BCL2L13: variants seen among roughly 807,000 people sequenced by gnomAD.
The protein encoded by BCL2L13 is bcl-2-like protein 13.
Under a neutral mutation model 25.8 loss-of-function variants are expected in BCL2L13, and 13 were observed. The observed-to-expected ratio is 0.50, with a 90% CI of 0.33 to 0.80. The LOEUF is 0.80. BCL2L13 is among the 30% of genes least tolerant of loss of function. The pLI is 0.02. For synonymous variants in BCL2L13, 244 were observed against 230.3 expected, an observed-to-expected ratio of 1.06 and a Z score of -0.54; for missense variants, 504 against 574.9, an observed-to-expected ratio of 0.88 and a Z score of 1.26.
Position 17,727,219 on chromosome 22 carries a change from TGAA to T in BCL2L13, c.1149_1151del (p.Glu384del), listed in dbSNP as rs1241994638. Reference sequence around the variant, plus strand: ...CTACATCTCTGTTTGTAGAACTTGATGAAGAAGAGGTGAAAGCAGCAACAACTG... The same window carrying T: ...CTACATCTCTGTTTGTAGAACTTGATGAAGAGGTGAAAGCAGCAACAACTG... On this transcript the variant is annotated inframe_deletion, in exon 7 of 7. Coordinates refer to ENST00000317582, the MANE Select transcript of BCL2L13 (RefSeq NM_015367.4). 1 of 1,614,100 alleles carries T rather than the reference TGAA, an allele frequency of 6.2e-7. No homozygotes were observed. Among genetic ancestry groups the T allele is most frequent in the Non-Finnish European group, 8.5e-7 (1 of 1,180,044 alleles).
chr22:17,708,653 G>A (rs1023410465), intron 6 of BCL2L13, among the ~76,000 whole-genome samples: 2 of 152,062 alleles, frequency 1.3e-5, no homozygotes, highest in African/African-American at 2.4e-5. Context: ...CAAAAAAGAC[G>A]CAGTTCTCTG....
chr22:17,721,062 G>A (rs968335019), intron 6 of BCL2L13, among the ~76,000 whole-genome samples: 1 of 151,348 alleles, frequency 6.6e-6, no homozygotes, highest in South Asian at 2.1e-4. Flanking sequence ...AGCTACTCGG[G>A]GGGAGGCTGA....
At chr22:17,710,041 G>A (rs1193282976) in intron 6 of BCL2L13, among the ~76,000 whole-genome samples, 1 of 125,998 alleles carries the variant, frequency 7.9e-6, no homozygotes, top group Admixed American at 9.9e-5. Context: ...CTGACCTCCA[G>A]CCTGGGTAAC....
intron 3 of BCL2L13, among the ~76,000 whole-genome samples, chr22:17,688,195 C>A (rs1014126413): frequency 3.3e-5 from 5 of 151,910 alleles, no homozygotes; most frequent in African/African-American, 1.2e-4. Context: ...GGACTCAAAC[C>A]ATCTGCACAC....
At chr22:17,718,369 AT>A (rs2061005664) in intron 6 of BCL2L13, among the ~76,000 whole-genome samples, 1 of 152,206 alleles carries the variant, frequency 6.6e-6, no homozygotes, top group African/African-American at 2.4e-5. Context: ...GACAGAAGTG[AT>A]GTAGAGTTAG....
intron 1 of BCL2L13, among the ~76,000 whole-genome samples, chr22:17,648,360 T>G (rs953373760): frequency 4.4e-4 from 67 of 152,128 alleles, no homozygotes; most frequent in African/African-American, 1.6e-3. Context: ...ACCATAGTCC[T>G]GAAGGAGCTG....
At chr22:17,684,042 G>T (rs766677946) in intron 3 of BCL2L13, among the ~76,000 whole-genome samples, 20 of 152,072 alleles carry the variant, frequency 1.3e-4, no homozygotes, top group Admixed American at 4.6e-4. Flanking sequence ...CGACTACACA[G>T]CATTTGCATT....
chr22:17,719,846 A>AAAAAAAAAC lies in BCL2L13; in HGVS notation c.601-6827_601-6826insAAAACAAAA, dbSNP rs1555897108. On this transcript the variant is annotated intron_variant, in intron 6 of 6. Transcript: ENST00000317582. ...CCATCTCAAAAAAAAAAAAAAAAAA[A>AAAAAAAAAC]AAAAGAATGAAGTATGGATACATGC... 8.5e-5 allele frequency among the ~76,000 whole-genome samples: 11 copies of AAAAAAAAAC among 129,152 alleles called. 1 individual carries two copies. Among genetic ancestry groups the AAAAAAAAAC allele is most frequent in the East Asian group, 2.5e-4 (1 of 4,030 alleles). The allele number at this position is 129,152 out of a possible 152,430, so 84.7% of individuals were successfully genotyped here.
chr22:17,721,362 T>G (rs2061123652), intron 6 of BCL2L13, among the ~76,000 whole-genome samples: 1 of 152,104 alleles, frequency 6.6e-6, no homozygotes. Context: ...TTTTAGTTTT[T>G]AAATTTTTGT....
intron 6 of BCL2L13, among the ~76,000 whole-genome samples, chr22:17,705,855 C>T (rs917583997): frequency 4.6e-5 from 7 of 152,154 alleles, no homozygotes; most frequent in Non-Finnish European, 8.8e-5. Context: ...TCTCAAGGTG[C>T]AGCTACTTTT....
At chr22:17,671,319 G>A (rs993112025) in intron 2 of BCL2L13, among the ~76,000 whole-genome samples, 4 of 149,176 alleles carry the variant, frequency 2.7e-5, no homozygotes, top group Admixed American at 1.4e-4. Flanking sequence ...GCGTGTACCC[G>A]GGAGACAGAG....
At chr22:17,636,730 G>A (rs1261283650), upstream of BCL2L13, among the ~76,000 whole-genome samples, 1 of 152,002 alleles carries the variant, frequency 6.6e-6, no homozygotes, top group Non-Finnish European at 1.5e-5. Context: ...CAGGAGGTGA[G>A]GTTCAGTGAG....
intron 1 of BCL2L13, among the ~76,000 whole-genome samples, chr22:17,644,411 A>G (rs1034364345): frequency 2.0e-5 from 3 of 150,312 alleles, no homozygotes; most frequent in South Asian, 2.1e-4. Flanking sequence ...GCTCACTGCA[A>G]TCTTTGCCTC....
intron 1 of BCL2L13, among the ~76,000 whole-genome samples, chr22:17,646,953 ATATTTTTTT>A (rs1303073748): frequency 7.9e-3 from 170 of 21,608 alleles, no homozygotes; most frequent in African/African-American, 0.023. Context: ...ATATATATAT[ATATTTTTTT>A]TTTTTTTTTT....
intron 1 of BCL2L13, among the ~76,000 whole-genome samples, chr22:17,655,287 G>A (rs1262424663): frequency 6.7e-6 from 1 of 148,604 alleles, no homozygotes; most frequent in African/African-American, 2.5e-5. Flanking sequence ...CTGCCCTGAG[G>A]CTTTACAGTT....
chr22:17,711,014 A>C (rs113818683), intron 6 of BCL2L13, among the ~76,000 whole-genome samples: 12 of 152,290 alleles, frequency 7.9e-5, no homozygotes, highest in African/African-American at 2.9e-4. Context: ...ATGTGGAACA[A>C]AGAACGTTCT....
chr22:17,647,440 TC>T (rs1332881334), intron 1 of BCL2L13, among the ~76,000 whole-genome samples: 4 of 151,984 alleles, frequency 2.6e-5, no homozygotes, highest in Admixed American at 6.6e-5. Context: ...AGCTTTTTTT[TC>T]CCCCCGTCCA....
In BCL2L13 at chr22:17,683,228, A is replaced by G. The variant is rs2145576206; in HGVS notation, c.136A>G (p.Ile46Val). The G allele has an allele frequency of 1.3e-6, 2 of 1,568,796 alleles. No individual in the cohort carries two copies. Among genetic ancestry groups the G allele is most frequent in the Non-Finnish European group, 1.7e-6 (2 of 1,145,102 alleles). Residue 46 changes from isoleucine to valine, a missense_variant, in exon 3 of 7, where the codon ATA becomes GTA. By Grantham distance (29) the Ile-to-Val change is conservative. Transcript: ENST00000317582. ...LSSPQGVQLD[I>V]ASQSLDQEIL... is the part of the protein sequence containing the mutation. ...GTTGCTTTCAGGGGTTCAACTAGAT[A>G]TAGCTTCACAATCTCTGGATCAAGA...
chr22:17,706,116 G>A (rs1429514909), intron 6 of BCL2L13, among the ~76,000 whole-genome samples: 1 of 152,172 alleles, frequency 6.6e-6, no homozygotes, highest in Admixed American at 6.6e-5. Flanking sequence ...CTGGGCTCAA[G>A]TGATCCTCCC....
Sources: allele counts gnomAD v4.1 joint callset (sites outside exome capture counted in the v4.1 genomes callset), GRCh38; gene constraint gnomAD v4.1.1; transcripts MANE v1.5; gene names NCBI Gene and HGNC (gene_info 2026-07-23, HGNC 2026-07-21).